Variants in IMMP2L observed in about 807,000 individuals in gnomAD.
IMMP2L encodes inner mitochondrial membrane peptidase subunit 2.
Under a neutral mutation model 19.3 loss-of-function variants are expected in IMMP2L, and 18 were observed. That is an observed-to-expected ratio of 0.93 (90% CI 0.64 to 1.38). IMMP2L has a LOEUF of 1.38. Among genes scored for constraint, IMMP2L ranks in the 40% most tolerant of loss-of-function variants. IMMP2L has a pLI of 0.00. For missense variants in IMMP2L, 233 were observed against 218.2 expected (o/e 1.07, Z -0.43); for synonymous variants, 76 against 73.0 (o/e 1.04, Z -0.21).
At chr7:110,993,577 T>C (rs542837184) in intron 3 of IMMP2L, among the ~76,000 whole-genome samples, 1 of 151,702 alleles carries the variant, frequency 6.6e-6, no homozygotes, top group East Asian at 1.9e-4. Flanking sequence ...TCTCATGCCT[T>C]TACCTATTAG....
chr7:110,991,657 C>T (rs903795806), intron 3 of IMMP2L, among the ~76,000 whole-genome samples: 4 of 152,174 alleles, frequency 2.6e-5, no homozygotes, highest in African/African-American at 9.7e-5. Context: ...TACTAGTAGA[C>T]TCTGCTAATT....
At chr7:111,409,723 T>A (rs1041535317) in intron 3 of IMMP2L, among the ~76,000 whole-genome samples, 7 of 151,776 alleles carry the variant, frequency 4.6e-5, no homozygotes, top group African/African-American at 7.3e-5. Flanking sequence ...TTCATTAAAT[T>A]TAAGTGAAAC....
At chr7:111,252,119 G>T (rs1816203920) in intron 3 of IMMP2L, among the ~76,000 whole-genome samples, 1 of 151,676 alleles carries the variant, frequency 6.6e-6, no homozygotes, top group African/African-American at 2.4e-5. Context: ...CTCAAAATAG[G>T]TCATTTGGGA....
chr7:111,396,756 TTG>T (rs1832908851), intron 3 of IMMP2L, among the ~76,000 whole-genome samples: 1 of 152,136 alleles, frequency 6.6e-6, no homozygotes, highest in South Asian at 2.1e-4. Flanking sequence ...AGTCTGTAGT[TTG>T]TAACTTTTTC....
chr7:110,797,017 G>C (rs1800907670), intron 5 of IMMP2L, among the ~76,000 whole-genome samples: 1 of 151,920 alleles, frequency 6.6e-6, no homozygotes, highest in Admixed American at 6.6e-5. Context: ...CCACTTCCAA[G>C]AAGAGTGCCA....
chr7:110,774,498 A>T (rs1471462841), intron 5 of IMMP2L, among the ~76,000 whole-genome samples: 1 of 152,136 alleles, frequency 6.6e-6, no homozygotes. Context: ...ATGAAATAAT[A>T]TAAATCTGTT....
chr7:110,851,339 G>A (rs754492708), intron 5 of IMMP2L, among the ~76,000 whole-genome samples: 2 of 152,100 alleles, frequency 1.3e-5, no homozygotes, highest in Non-Finnish European at 2.9e-5. Context: ...TATTTATTAA[G>A]TCTAATGTAG....
intron 3 of IMMP2L, among the ~76,000 whole-genome samples, chr7:111,173,526 C>T (rs1384962571): frequency 6.6e-6 from 1 of 151,562 alleles, no homozygotes; most frequent in Non-Finnish European, 1.5e-5. Context: ...GAATTTTATA[C>T]ATTGCCTGAA....
At chr7:110,706,068 A>G (rs1794657863) in intron 5 of IMMP2L, among the ~76,000 whole-genome samples, 1 of 152,064 alleles carries the variant, frequency 6.6e-6, no homozygotes, top group South Asian at 2.1e-4. Flanking sequence ...ATTTTCTTCT[A>G]GATATATACC....
chr7:111,366,340 G>GAA (rs1219513826), intron 3 of IMMP2L, among the ~76,000 whole-genome samples: 32 of 126,822 alleles, frequency 2.5e-4, no homozygotes, highest in African/African-American at 8.8e-4. Context: ...ATTAAAAAAA[G>GAA]AAAGAAAAAA....
At chr7:111,066,248 T>C (rs534366110) in intron 3 of IMMP2L, among the ~76,000 whole-genome samples, 37 of 152,196 alleles carry the variant, frequency 2.4e-4, no homozygotes, top group Middle Eastern at 3.4e-3. Flanking sequence ...CCCAAAGTGC[T>C]GGGATTACAG....
intron 4 of IMMP2L, among the ~76,000 whole-genome samples, chr7:110,901,293 A>C (rs192332015): frequency 6.6e-6 from 1 of 152,238 alleles, no homozygotes; most frequent in East Asian, 1.9e-4. Flanking sequence ...TGTATTTTCA[A>C]TACATATTCA....
chr7:111,267,188 A>C (rs924178326), intron 3 of IMMP2L, among the ~76,000 whole-genome samples: 4 of 152,080 alleles, frequency 2.6e-5, no homozygotes, highest in African/African-American at 9.7e-5. Flanking sequence ...TGGGGTTGAT[A>C]ATCTTTCTTT....
chr7:110,993,903 C>A (rs1489606383), intron 3 of IMMP2L, among the ~76,000 whole-genome samples: 1 of 152,068 alleles, frequency 6.6e-6, no homozygotes, highest in Non-Finnish European at 1.5e-5. Context: ...TCTTCCAGGT[C>A]CCCTCTGCCC....
In IMMP2L at chr7:111,281,194, GA is replaced by G. The variant is rs753468201; in HGVS notation, c.239+206043del. Reference sequence around the variant, plus strand: ...AGAAAGAAAGAAAGAAAGAAAGAAAGAAAGAAAGAAAGAAAGAAAGAAAAAG... The same window carrying G: ...AGAAAGAAAGAAAGAAAGAAAGAAAGAAGAAAGAAAGAAAGAAAGAAAAAG... On this transcript the variant is annotated intron_variant, in intron 3 of 5. Transcript: ENST00000405709. Among the ~76,000 whole-genome samples the G allele has an allele frequency of 4.2e-4, 22 of 52,352 alleles. 1 individual carries two copies. The highest frequency in any genetic ancestry group is 1.4e-3 in the East Asian group (2 of 1,458). The allele number at this position is 52,352 out of a possible 152,430, so 34.3% of individuals were successfully genotyped here.
chr7:110,894,662 T>A (rs998162067), intron 4 of IMMP2L, among the ~76,000 whole-genome samples: 6 of 152,206 alleles, frequency 3.9e-5, no homozygotes, highest in Non-Finnish European at 5.9e-5. Flanking sequence ...TCTGTGCTTT[T>A]AAATTTTTAA....
chr7:110,675,203 G>A (rs1792213597), intron 5 of IMMP2L, among the ~76,000 whole-genome samples: 1 of 152,160 alleles, frequency 6.6e-6, no homozygotes, highest in African/African-American at 2.4e-5. Flanking sequence ...TATAAGGCTA[G>A]TGAGGTATCA....
chr7:111,558,171 T>G (rs1226483562), intron 1 of IMMP2L, among the ~76,000 whole-genome samples: 2 of 152,198 alleles, frequency 1.3e-5, no homozygotes, highest in Non-Finnish European at 2.9e-5. Context: ...AGGAAACAAG[T>G]AATTCATTGA....
chr7:110,861,371 C>T (rs544097879), intron 5 of IMMP2L, among the ~76,000 whole-genome samples: 22 of 151,844 alleles, frequency 1.4e-4, no homozygotes, highest in African/African-American at 5.3e-4. Flanking sequence ...CTCAAACTCC[C>T]CAGGCTTAGG....
Sources: gnomAD v4.1 joint callset for allele counts (sites outside exome capture counted in the v4.1 genomes callset) on GRCh38, gnomAD v4.1.1 for gene constraint, MANE v1.5 for transcripts, NCBI Gene and HGNC (gene_info 2026-07-23, HGNC 2026-07-21) for gene names.